VPS35L: variants seen among roughly 807,000 people sequenced by gnomAD.
VPS35L encodes the protein VPS35 endosomal protein-sorting factor-like.
Under a neutral mutation model 133.0 loss-of-function variants are expected in VPS35L, and 83 were observed. The observed-to-expected ratio is 0.62, with a 90% CI of 0.52 to 0.75. The LOEUF (loss-of-function observed/expected upper bound fraction) is 0.75. Ranked by LOEUF, VPS35L falls within the 30% of genes least tolerant of loss-of-function variation. The pLI, the probability that VPS35L is intolerant of heterozygous loss-of-function variation, is 0.00. For synonymous variants in VPS35L, 423 were observed against 449.9 expected, an observed-to-expected ratio of 0.94 and a Z score of 0.76; for missense variants, 1,083 against 1,206.8, an observed-to-expected ratio of 0.90 and a Z score of 1.52.
At position 19,570,840 on chromosome 16, in the gene VPS35L, T is replaced by TC. The variant is rs1348549719; in HGVS notation, c.285+1249_285+1250insC. ...ATCATCCTATGCTGTGTTTCATATA[T>TC]ATATATATATATATATATATATATA... On this transcript the variant is annotated intron_variant, in intron 3 of 30. Transcript: ENST00000417362. Among the ~76,000 whole-genome samples the TC allele has an allele frequency of 1.9e-3, 7 of 3,670 alleles. No homozygotes were observed. In the African/African-American group the frequency reaches 0.034, roughly 18 times the overall value. The allele number at this position is 3,670 out of a possible 152,430, so 2.4% of individuals were successfully genotyped here. A position where few individuals can be genotyped will look rare whatever the true frequency, so the allele number is the denominator to read the frequency against.
intron 1 of VPS35L, among the ~76,000 whole-genome samples, chr16:19,560,892 G>GT (rs201125081): frequency 5.6e-4 from 82 of 146,594 alleles, no homozygotes; most frequent in East Asian, 2.0e-3. Context: ...TATCCTTTGT[G>GT]TTTTTTTTTT....
rs1420077386 is a variant in VPS35L, at chr16:19,608,162, GTTTT to G, written c.785-13_785-10del. 5.0e-6 allele frequency: 8 copies of G among 1,588,338 alleles called. No homozygotes were observed. The highest frequency in any genetic ancestry group is 2.6e-6 in the Non-Finnish European group (3 of 1,156,782). On this transcript the variant is annotated splice_polypyrimidine_tract_variant and intron_variant, in intron 9 of 30. Transcript: ENST00000417362. ...AGATTTAGGAGGGCTGATGGATCTT[GTTTT>G]TTGTATTACAGATCACTTTTCTCCA...
At chr16:19,561,907 G>A (rs945167641) in intron 1 of VPS35L, among the ~76,000 whole-genome samples, 2 of 152,010 alleles carry the variant, frequency 1.3e-5, no homozygotes, top group Admixed American at 6.6e-5. Context: ...GGAGTTCGGG[G>A]TCAGCTTGGC....
chr16:19,618,046 C>T (rs1410105549), intron 14 of VPS35L: 1 of 145,906 alleles, frequency 6.9e-6, no homozygotes, highest in Non-Finnish European at 1.5e-5. Flanking sequence ...GAGATTGCAC[C>T]ACTGTACTCC....
intron 22 of VPS35L, among the ~76,000 whole-genome samples, chr16:19,644,042 G>A (rs191391451): frequency 1.0e-3 from 153 of 152,118 alleles, no homozygotes; most frequent in African/African-American, 3.2e-3. Context: ...CATTTTCTCC[G>A]AGAACAAACC....
rs551421138 is a variant in VPS35L at position 19,651,403 on chromosome 16, C to G, written c.2107-573C>G. On this transcript the variant is annotated intron_variant, in intron 25 of 30. Coordinates refer to ENST00000417362, the MANE Select transcript of VPS35L (RefSeq NM_020314.7). ...TTTTTTGTAGAGATGGGGCATATCA[C>G]TAGGTTGCCCAGGCTGGTCTTGAAC... Among the ~76,000 whole-genome samples, 4 of 152,092 alleles carry G rather than the reference C, an allele frequency of 2.6e-5. No individual in the cohort carries two copies. The South Asian group carries it at 6.2e-4, about 24-fold the overall frequency.
At chr16:19,575,306 C>A (rs1177189813) in intron 5 of VPS35L, among the ~76,000 whole-genome samples, 184 bp downstream of exon 5, 1 of 152,056 alleles carries the variant, frequency 6.6e-6, no homozygotes, top group Non-Finnish European at 1.5e-5. Context: ...TAAAAAAATA[C>A]CAAATACCAG....
chr16:19,669,410 GT>G (rs1974803182), intron 27 of VPS35L, 111 bp downstream of exon 27: 1 of 1,318,188 alleles, frequency 7.6e-7, no homozygotes. Context: ...GTATCTTTGT[GT>G]TGGTTTTCCA....
Position 19,610,395 on chromosome 16 carries a change from GC to G in VPS35L, c.1006del (p.Arg336ValfsTer19). On this transcript the variant is annotated frameshift_variant, in exon 12 of 31. Coordinates refer to ENST00000417362, the MANE Select transcript of VPS35L (RefSeq NM_020314.7). LOFTEE classifies it high-confidence loss of function. ...GIGDPLVSVY[A>X]RAYLCRVGME... ...CGGAGACCCACTAGTGTCGGTGTAT[GC>G]CCGTGCCTACCTGTGCCGGGTAGGC... The G allele has an allele frequency of 6.2e-7, 1 of 1,613,992 alleles. No individual in the cohort carries two copies. Among genetic ancestry groups the G allele is most frequent in the Middle Eastern group, 1.6e-4 (1 of 6,062 alleles).
At chr16:19,664,852 A>G (rs560747513) in intron 26 of VPS35L, among the ~76,000 whole-genome samples, 1 of 151,744 alleles carries the variant, frequency 6.6e-6, no homozygotes, top group African/African-American at 2.4e-5. Context: ...GTGAGCTGAG[A>G]TCACATCACC....
intron 13 of VPS35L, 38 bp from the exon 14 acceptor site, chr16:19,616,648 T>C (rs370147636): frequency 6.2e-7 from 1 of 1,602,790 alleles, no homozygotes; most frequent in South Asian, 1.1e-5. Flanking sequence ...GTTTGGTTTT[T>C]CCCCTCCTTT....
chr16:19,655,804 A>G (rs1461581296), intron 26 of VPS35L, among the ~76,000 whole-genome samples: 3 of 152,152 alleles, frequency 2.0e-5, no homozygotes. Context: ...ATGGCCTAGC[A>G]ATGTCTCTCT....
chr16:19,680,913 CG>C lies in VPS35L; in HGVS notation c.2362-1311del, dbSNP rs1194429593. On this transcript the variant is annotated intron_variant, in intron 27 of 30. Coordinates refer to ENST00000417362, the MANE Select transcript of VPS35L (RefSeq NM_020314.7). ...CAGAGTGAGACCCTGTCTCAGAACC[CG>C]CCCCCCCCCTAAAAAAACAGGATGA... Among the ~76,000 whole-genome samples, 18 of 109,348 alleles carry C rather than the reference CG, an allele frequency of 1.6e-4. No homozygotes were observed. In the East Asian group the frequency reaches 3.6e-3, roughly 22 times the overall value. The allele number at this position is 109,348 out of a possible 152,430, so 71.7% of individuals were successfully genotyped here.
At chr16:19,617,669 C>T (rs926626312) in intron 14 of VPS35L, 1 of 151,976 alleles carries the variant, frequency 6.6e-6, no homozygotes, top group South Asian at 2.1e-4. Context: ...GACTGAGAAG[C>T]AGTTTTAGTA....
intron 3 of VPS35L, among the ~76,000 whole-genome samples, chr16:19,570,900 G>T (rs114238521): frequency 0.022 from 2,582 of 115,302 alleles, 129 homozygotes; most frequent in African/African-American, 0.076. Flanking sequence ...TTTTTGAGAT[G>T]AAGTCTCACA....
In VPS35L at chr16:19,682,402, T is replaced by C. The variant is rs1349472635; in HGVS notation, c.2527+12T>C. 5.0e-6 allele frequency: 8 copies of C among 1,611,818 alleles called. No individual in the cohort carries two copies. The South Asian group carries it at 7.7e-5, about 16-fold the overall frequency. On this transcript the variant is annotated intron_variant, in intron 28 of 30. Coordinates refer to ENST00000417362, the MANE Select transcript of VPS35L (RefSeq NM_020314.7). ...CCACATAGACAAAGGTAGCAGAGCC[T>C]CCCCCACCAAACCATGCTCCGCATG...
At chr16:19,697,234 A>G (rs533647480) in intron 29 of VPS35L, among the ~76,000 whole-genome samples, 1 of 152,264 alleles carries the variant, frequency 6.6e-6, no homozygotes, top group East Asian at 1.9e-4. Context: ...TCGCTGCTCT[A>G]GGCTGTTGCC....
intron 26 of VPS35L, among the ~76,000 whole-genome samples, chr16:19,655,808 T>C (rs1347055353): frequency 6.6e-6 from 1 of 152,232 alleles, no homozygotes; most frequent in Non-Finnish European, 1.5e-5. Flanking sequence ...CCTAGCAATG[T>C]CTCTCTTTTC....
At position 19,621,615 on chromosome 16, in the gene VPS35L, ATC is replaced by A. The variant is rs557372194; in HGVS notation, c.1225-4558_1225-4557del. On this transcript the variant is annotated intron_variant, in intron 14 of 30. Coordinates refer to ENST00000417362, the MANE Select transcript of VPS35L (RefSeq NM_020314.7). ...GATCCCAGCCAAAGGGCTTGTTTCA[ATC>A]TCTGTCTGCTTTGAGCTGTTGTTCA... Among the ~76,000 whole-genome samples the A allele has an allele frequency of 2.2e-3, 333 of 152,328 alleles. No individual in the cohort carries two copies. The Middle Eastern group carries it at 0.024, about 11-fold the overall frequency.
Sources: gnomAD v4.1 joint callset for allele counts (sites outside exome capture counted in the v4.1 genomes callset) on GRCh38, gnomAD v4.1.1 for gene constraint, MANE v1.5 for transcripts, NCBI Gene and HGNC (gene_info 2026-07-23, HGNC 2026-07-21) for gene names.